The following FAM227B variants were observed in gnomAD, a reference collection of about 807,000 sequenced individuals.
FAM227B encodes family with sequence similarity 227 member B.
Under a neutral mutation model 73.8 loss-of-function variants are expected in FAM227B, and 88 were observed. The ratio of observed to expected loss-of-function variants is 1.19; its 90% CI spans 1.00 to 1.42. The LOEUF (loss-of-function observed/expected upper bound fraction) is 1.42, where lower values mean the gene tolerates loss of function less well. FAM227B is among the 40% of genes most tolerant of loss of function. The pLI is 0.00. For missense variants in FAM227B, 632 were observed against 590.9 expected (o/e 1.07, Z -0.72); for synonymous variants, 210 against 190.5 (o/e 1.10, Z -0.84).
chr15:49,422,268 T>C (rs2049749679), intron 11 of FAM227B: 1 of 161,534 alleles, frequency 6.2e-6, no homozygotes, highest in African/African-American at 2.4e-5. Flanking sequence ...ACAACACAAT[T>C]ATTCTACACC....
intron 10 of FAM227B, among the ~76,000 whole-genome samples, chr15:49,512,824 T>A (rs2059108152): frequency 6.6e-6 from 1 of 152,162 alleles, no homozygotes; most frequent in Non-Finnish European, 1.5e-5. Flanking sequence ...ATTGTTCAAC[T>A]CCCACTTATG....
intron 11 of FAM227B, among the ~76,000 whole-genome samples, chr15:49,457,271 G>A (rs1056652128): frequency 1.3e-5 from 2 of 151,968 alleles, no homozygotes; most frequent in African/African-American, 4.8e-5. Flanking sequence ...TCCAAATGCG[G>A]TAACAACGGT....
chr15:49,436,252 T>C (rs1471597285), intron 11 of FAM227B, among the ~76,000 whole-genome samples: 13 of 151,680 alleles, frequency 8.6e-5, no homozygotes, highest in Non-Finnish European at 1.5e-5. Context: ...GCATACAATG[T>C]TGATTGTTTT....
chr15:49,533,897 T>A (rs1238729701), intron 10 of FAM227B, among the ~76,000 whole-genome samples: 1 of 151,876 alleles, frequency 6.6e-6, no homozygotes, highest in Non-Finnish European at 1.5e-5. Flanking sequence ...GACTTACTCC[T>A]ACCATTTTGT....
chr15:49,433,268 TTC>T (rs1465592248), intron 11 of FAM227B, among the ~76,000 whole-genome samples: 1 of 151,614 alleles, frequency 6.6e-6, no homozygotes, highest in Non-Finnish European at 1.5e-5. Context: ...TTATGATTCT[TTC>T]TGTTTGCATT....
chr15:49,353,849 T>C (rs757836255), intron 13 of FAM227B: 3 of 152,230 alleles, frequency 2.0e-5, no homozygotes, highest in Non-Finnish European at 4.4e-5. Flanking sequence ...TACTAGGTTC[T>C]TACCATATGT....
chr15:49,395,961 T>G (rs1452298927), intron 11 of FAM227B: 3 of 455,996 alleles, frequency 6.6e-6, no homozygotes, highest in South Asian at 4.6e-5. Flanking sequence ...GAACAAAATG[T>G]GGGTTAATCT....
At chr15:49,389,970 G>A (rs917335942) in intron 11 of FAM227B, among the ~76,000 whole-genome samples, 5 of 152,068 alleles carry the variant, frequency 3.3e-5, no homozygotes, top group Admixed American at 1.3e-4. Context: ...ATTACTTTAC[G>A]CAGTGCTTCT....
intron 2 of FAM227B, among the ~76,000 whole-genome samples, chr15:49,612,033 CT>C (rs58693077): frequency 0.016 from 2,098 of 135,068 alleles, 38 homozygotes; most frequent in African/African-American, 0.046. Context: ...GCTGAATTTT[CT>C]TTTTTTTTTT....
At chr15:49,486,076 T>A (rs2056381445) in intron 11 of FAM227B, 1 of 152,030 alleles carries the variant, frequency 6.6e-6, no homozygotes, top group Non-Finnish European at 1.5e-5. Context: ...ACTTTATATG[T>A]TCACCAATGG....
chr15:49,598,404 A>C (rs1413375314), intron 3 of FAM227B, among the ~76,000 whole-genome samples: 2 of 151,988 alleles, frequency 1.3e-5, no homozygotes, highest in Non-Finnish European at 2.9e-5. Context: ...TATCTGCAAG[A>C]GACAATTTTA....
intron 11 of FAM227B, chr15:49,425,315 G>C (rs2090995690): frequency 6.6e-6 from 1 of 151,914 alleles, no homozygotes; most frequent in African/African-American, 2.4e-5. Flanking sequence ...TCAATTTAAA[G>C]CCTTACATTT....
chr15:49,340,747 T>C (rs1302614628), intron 13 of FAM227B, among the ~76,000 whole-genome samples: 1 of 152,230 alleles, frequency 6.6e-6, no homozygotes, highest in Non-Finnish European at 1.5e-5. Flanking sequence ...TATATTGCTG[T>C]GCAGAAGCTC....
At chr15:49,357,021 G>A (rs2043274224) in intron 13 of FAM227B, among the ~76,000 whole-genome samples, 2 of 151,356 alleles carry the variant, frequency 1.3e-5, no homozygotes, top group Admixed American at 1.3e-4. Flanking sequence ...AAATAAAGAT[G>A]CTCTTTGAAA....
intron 10 of FAM227B, among the ~76,000 whole-genome samples, chr15:49,525,243 T>C (rs2060077149): frequency 6.6e-6 from 1 of 152,032 alleles, no homozygotes; most frequent in Non-Finnish European, 1.5e-5. Flanking sequence ...TTTTCCCTGA[T>C]GTTCTTGGGA....
chr15:49,585,846 A>G (rs945779975), intron 5 of FAM227B, among the ~76,000 whole-genome samples: 1 of 152,204 alleles, frequency 6.6e-6, no homozygotes, highest in Non-Finnish European at 1.5e-5. Context: ...GTATAATAAT[A>G]AAATTAAATT....
rs2070982199 is a variant in FAM227B at position 49,540,939 on chromosome 15, A to G, written c.874+741T>C. 3.3e-5 allele frequency among the ~76,000 whole-genome samples: 5 copies of G among 152,236 alleles called. No homozygotes were observed. In the South Asian group the frequency reaches 1.0e-3, roughly 32 times the overall value. ...TTGTTTTCAAGTCTTTACCTCTCAA[A>G]GGCTCCCTCCATAAAGTATAAAACA... On this transcript the variant is annotated intron_variant, in intron 10 of 15. Coordinates refer to ENST00000299338, the MANE Select transcript of FAM227B (RefSeq NM_152647.3).
At chr15:49,353,070 G>A (rs991250988) in intron 13 of FAM227B, among the ~76,000 whole-genome samples, 1 of 152,156 alleles carries the variant, frequency 6.6e-6, no homozygotes, top group Non-Finnish European at 1.5e-5. Flanking sequence ...TGGTTCTATG[G>A]TGAGTTGATG....
intron 11 of FAM227B, chr15:49,424,495 G>A (rs1347876409): frequency 6.2e-7 from 1 of 1,613,008 alleles, no homozygotes. Context: ...ATATAAGAGT[G>A]AGAAGACTCT....
Sources: gnomAD v4.1 joint callset for allele counts (sites outside exome capture counted in the v4.1 genomes callset) on GRCh38, gnomAD v4.1.1 for gene constraint, MANE v1.5 for transcripts, NCBI Gene and HGNC (gene_info 2026-07-23, HGNC 2026-07-21) for gene names.